ITPK1: variants seen among roughly 807,000 people sequenced by gnomAD.
ITPK1 encodes the protein inositol 1,3,4-trisphosphate 5/6-kinase.
In ITPK1, 21 loss-of-function variants were observed where a neutral mutation model predicts 45.3. The observed-to-expected ratio is 0.46, with a 90% CI of 0.33 to 0.67. ITPK1 has a LOEUF of 0.67. Ranked by LOEUF, ITPK1 falls within the 30% of genes least tolerant of loss-of-function variation. The pLI is 0.02. For missense variants in ITPK1, 474 were observed against 573.5 expected, an observed-to-expected ratio of 0.83 and a Z score of 1.77; for synonymous variants, 258 against 253.6, an observed-to-expected ratio of 1.02 and a Z score of -0.16.
intron 2 of ITPK1, among the ~76,000 whole-genome samples, chr14:93,084,060 G>A (rs1173983574): frequency 6.6e-6 from 1 of 152,226 alleles, no homozygotes; most frequent in Non-Finnish European, 1.5e-5. Flanking sequence ...GCAATGAGAT[G>A]TGAACAGAGG....
At position 92,962,208 on chromosome 14, in the gene ITPK1, G is replaced by A; in HGVS notation, c.504+147C>T. 3 of 711,874 alleles carry A rather than the reference G, an allele frequency of 4.2e-6. No individual in the cohort carries two copies. The South Asian group carries it at 4.5e-5, about 11-fold the overall frequency. The allele number at this position is 711,874 out of a possible 1,614,324, so 44.1% of individuals were successfully genotyped here. On this transcript the variant is annotated intron_variant, in intron 7 of 10. Coordinates refer to ENST00000267615, the MANE Select transcript of ITPK1 (RefSeq NM_014216.6). ...CCCGCTCGATTCCTCTGGAGTCCAGGGAAGGGAAGGAGGCTATCTACCAAG... is the reference window on the plus strand; with the variant it reads ...CCCGCTCGATTCCTCTGGAGTCCAGAGAAGGGAAGGAGGCTATCTACCAAG...
intron 5 of ITPK1, among the ~76,000 whole-genome samples, chr14:92,979,386 G>C (rs564906519): frequency 6.6e-6 from 1 of 152,204 alleles, no homozygotes; most frequent in Non-Finnish European, 1.5e-5. Flanking sequence ...TAAGACTTTG[G>C]GGGGCTGTTG....
chr14:93,016,151 G>A lies in ITPK1; in HGVS notation c.246+525C>T, dbSNP rs544185469. On this transcript the variant is annotated intron_variant, in intron 4 of 10. Transcript: ENST00000267615. This position sits in a 1 kb window ranked among gnomAD's most constrained non-coding sequence, Gnocchi z 5.0. ...GCGATCAGGACCTGGGAGGCCGCTG[G>A]GGAAGTGGTGTGGGGAGAGGGAAGC... 2.6e-5 allele frequency among the ~76,000 whole-genome samples: 4 copies of A among 152,192 alleles called. No individual in the cohort carries two copies. The highest frequency in any genetic ancestry group is 4.4e-5 in the Non-Finnish European group (3 of 68,030).
intron 5 of ITPK1, among the ~76,000 whole-genome samples, chr14:92,983,539 C>G (rs1032945893): frequency 7.2e-5 from 11 of 152,146 alleles, no homozygotes; most frequent in Non-Finnish European, 1.5e-4. Flanking sequence ...AAACAACAGG[C>G]AAAGATTCAT....
At position 92,938,963 on chromosome 14, in the gene ITPK1, C is replaced by A; in HGVS notation, c.*2598G>T. 5.3e-6 allele frequency: 1 copy of A among 190,334 alleles called. No individual in the cohort carries two copies. 11.8% of individuals were successfully genotyped at this position (190,334 alleles called of 1,614,324 possible). On this transcript the variant is annotated 3_prime_UTR_variant, in exon 11 of 11. Transcript: ENST00000267615. ...GTGGTCTGGCCCCTTGCTCCTGGAG[C>A]CCTTCAGCACATCCAGGGACCACCA... is the stretch of plus-strand genomic sequence containing the variant.
chr14:93,115,602 G>C (rs1270010471), intron 1 of ITPK1, among the ~76,000 whole-genome samples, 170 bp downstream of exon 1: 111 of 145,272 alleles, frequency 7.6e-4, no homozygotes, highest in African/African-American at 2.7e-3. Flanking sequence ...GCGCGGGCCC[G>C]AGCCACACGC....
Position 92,937,153 on chromosome 14 carries a change from C to T in ITPK1, c.*4408G>A, listed in dbSNP as rs45476698. ...TGAACATGCGACCAGGCGAATGAGC[C>T]AATGGACAGAAGCCATGGTGTCTGT... On this transcript the variant is annotated 3_prime_UTR_variant, in exon 11 of 11. Transcript: ENST00000267615. 6.6e-6 allele frequency: 1 copy of T among 152,356 alleles called. No individual in the cohort carries two copies. The highest frequency in any genetic ancestry group is 1.5e-5 in the Non-Finnish European group (1 of 68,048). 9.4% of individuals were successfully genotyped at this position (152,356 alleles called of 1,614,324 possible).
intron 5 of ITPK1, among the ~76,000 whole-genome samples, chr14:92,989,879 G>C (rs535327619): frequency 1.3e-4 from 20 of 152,254 alleles, no homozygotes; most frequent in African/African-American, 4.6e-4. Flanking sequence ...CTGGCATGCT[G>C]GGGTGGGTCA....
At chr14:93,083,291 G>A (rs1458681167) in intron 2 of ITPK1, among the ~76,000 whole-genome samples, 1 of 152,106 alleles carries the variant, frequency 6.6e-6, no homozygotes, top group Non-Finnish European at 1.5e-5. Context: ...AAGGCTCAGG[G>A]ACCATGACCA....
At chr14:92,978,178 T>C (rs1199258815) in intron 5 of ITPK1, among the ~76,000 whole-genome samples, 3 of 151,968 alleles carry the variant, frequency 2.0e-5, no homozygotes, top group Non-Finnish European at 4.4e-5. Flanking sequence ...GTCCCTGCTC[T>C]AGAGATCTGT....
intron 3 of ITPK1, among the ~76,000 whole-genome samples, chr14:93,022,299 A>G (rs1440477290): frequency 6.6e-6 from 1 of 152,174 alleles, no homozygotes; most frequent in Admixed American, 6.5e-5. Flanking sequence ...CTGACAACAT[A>G]TTGACAAGAG....
intron 3 of ITPK1, among the ~76,000 whole-genome samples, chr14:93,028,378 C>T (rs1888854917): frequency 6.6e-6 from 1 of 152,208 alleles, no homozygotes; most frequent in Non-Finnish European, 1.5e-5. Flanking sequence ...TGTTCTAACA[C>T]CTTCGCTCAG....
chr14:92,950,935 T>C lies in ITPK1; in HGVS notation c.738+1011A>G, dbSNP rs80108519. The stretch of plus-strand genomic sequence containing the variant: ...GTTCCCTCCAGGTCCTGCCCACGCC[T>C]GTGCTCTGTCTAATCCTCAGCACAC... On this transcript the variant is annotated intron_variant, in intron 9 of 10. Coordinates refer to ENST00000267615, the MANE Select transcript of ITPK1 (RefSeq NM_014216.6). Among the ~76,000 whole-genome samples the C allele has an allele frequency of 7.9e-4, 120 of 152,382 alleles. 2 individuals are homozygous for C. The East Asian group carries it at 0.016, about 20-fold the overall frequency.
chr14:93,053,896 G>A (rs1181027464), intron 3 of ITPK1, among the ~76,000 whole-genome samples: 3 of 152,216 alleles, frequency 2.0e-5, no homozygotes, highest in African/African-American at 7.2e-5. Flanking sequence ...AGACGGGACA[G>A]CCAGGCTTCA....
intron 3 of ITPK1, among the ~76,000 whole-genome samples, chr14:93,017,395 G>A (rs868059981): frequency 3.9e-5 from 6 of 152,360 alleles, no homozygotes; most frequent in South Asian, 2.1e-4. Context: ...GCGAAGGCGC[G>A]TAGGGCTGCC....
At chr14:92,974,707 G>A (rs191357077) in intron 5 of ITPK1, among the ~76,000 whole-genome samples, 9 of 152,234 alleles carry the variant, frequency 5.9e-5, no homozygotes, top group Admixed American at 5.9e-4. Context: ...GGCACTTCCC[G>A]TGCTGCTTAG....
chr14:92,942,368 G>C (rs533944927), intron 10 of ITPK1, among the ~76,000 whole-genome samples: 1 of 152,168 alleles, frequency 6.6e-6, no homozygotes, highest in East Asian at 1.9e-4. Context: ...CCCGGAGACC[G>C]CTTCCACCCT....
chr14:93,060,402 A>G lies in ITPK1; in HGVS notation c.120+16193T>C, dbSNP rs138581488. Among the ~76,000 whole-genome samples, 464 of 152,286 alleles carry G rather than the reference A, an allele frequency of 3.0e-3. 5 individuals are homozygous for G. Among genetic ancestry groups the G allele is most frequent in the African/African-American group, 0.011 (445 of 41,562 alleles). On this transcript the variant is annotated intron_variant, in intron 3 of 10. Transcript: ENST00000267615. ...CACCACACATACAGGGTCAGAAGAC[A>G]GGGAGCAAATTTGAGCCACAGAGAC...
chr14:93,050,111 TA>T (rs1219434930), intron 3 of ITPK1, among the ~76,000 whole-genome samples: 1 of 152,118 alleles, frequency 6.6e-6, no homozygotes, highest in Non-Finnish European at 1.5e-5. Flanking sequence ...CCGTAGGAAA[TA>T]CTCTCACTGC....
Sources: allele counts gnomAD v4.1 joint callset (sites outside exome capture counted in the v4.1 genomes callset), GRCh38; gene constraint gnomAD v4.1.1; non-coding constraint Gnocchi (gnomAD v3.1); transcripts MANE v1.5; gene names NCBI Gene and HGNC (gene_info 2026-07-23, HGNC 2026-07-21).